PRKG1: variants seen among roughly 807,000 people sequenced by gnomAD.
The protein encoded by PRKG1 is protein kinase cGMP-dependent 1, also known as cGMP-dependent protein kinase 1.
In PRKG1, 35 loss-of-function variants were observed where a neutral mutation model predicts 88.1. The ratio of observed to expected loss-of-function variants is 0.40; its 90% confidence interval spans 0.30 to 0.53. The LOEUF (loss-of-function observed/expected upper bound fraction) is 0.53, where lower values mean the gene tolerates loss of function less well. Among genes scored for constraint, PRKG1 ranks in the 20% least tolerant of loss-of-function variants. The pLI is 0.59. For missense variants in PRKG1, 540 were observed against 839.8 expected, an observed-to-expected ratio of 0.64 and a Z score of 4.41; for synonymous variants, 303 against 292.5, an observed-to-expected ratio of 1.04 and a Z score of -0.37.
At chr10:51,944,187 G>T (rs997109659) in intron 5 of PRKG1, among the ~76,000 whole-genome samples, 1 of 152,050 alleles carries the variant, frequency 6.6e-6, no homozygotes, top group Non-Finnish European at 1.5e-5. Context: ...TCTTGGGAGG[G>T]TGTAGGTGTT....
At chr10:51,256,463 A>G (rs1042052823) in intron 2 of PRKG1, among the ~76,000 whole-genome samples, 2 of 152,160 alleles carry the variant, frequency 1.3e-5, no homozygotes, top group African/African-American at 4.8e-5. Context: ...ATAGCGTGGT[A>G]GAAAGGCTAC....
rs1383848550 is a variant in PRKG1, at chr10:51,153,320, T to C, written c.468T>C (p.Tyr156=). The change falls in exon 2 of 18, where the codon TAT becomes TAC. Residue 156 remains tyrosine, a synonymous_variant. Transcript: ENST00000373980. ...IKEGDVGSLV[Y]VMEDGKVEVT... is the part of the protein sequence containing the mutation. ...AAGGAGACGTGGGGTCACTGGTGTA[T>C]GTCATGGAAGGTACGGTTTGTAACT... is the stretch of plus-strand genomic sequence containing the variant. 1 of 1,606,648 alleles carries C rather than the reference T, an allele frequency of 6.2e-7. No individual in the cohort carries two copies. The highest frequency in any genetic ancestry group is 2.2e-5 in the East Asian group (1 of 44,502).
intron 5 of PRKG1, among the ~76,000 whole-genome samples, chr10:51,960,613 C>T (rs1472046610): frequency 2.0e-5 from 3 of 151,620 alleles, no homozygotes; most frequent in Admixed American, 6.6e-5. Context: ...ATAAAGACGA[C>T]GTAACCAGTT....
chr10:52,122,601 C>T (rs1316440132), intron 7 of PRKG1, among the ~76,000 whole-genome samples: 1 of 151,998 alleles, frequency 6.6e-6, no homozygotes, highest in Non-Finnish European at 1.5e-5. Context: ...TAACAAAGAA[C>T]AATAAGCTCA....
intron 7 of PRKG1, among the ~76,000 whole-genome samples, chr10:52,077,392 G>A (rs1846657425): frequency 6.6e-6 from 1 of 152,042 alleles, no homozygotes; most frequent in Admixed American, 6.6e-5. Context: ...GATATTATCT[G>A]CTTTCTGTCA....
In PRKG1 at chr10:51,074,743, G is replaced by A. The variant is rs1400601775; in HGVS notation, c.153G>A (p.Ser51=). ...KLQNELDKYR[S]VIRPATQQAQ... ...AGAACGAGCTGGACAAGTACCGCTC[G>A]GTGATCCGACCAGCCACCCAGCAGG... Residue 51 remains serine (S), a synonymous_variant, in exon 1 of 18, where the codon TCG becomes TCA. Coordinates refer to ENST00000373980, the MANE Select transcript of PRKG1 (RefSeq NM_006258.4). 1.9e-6 allele frequency: 3 copies of A among 1,614,020 alleles called. No individual in the cohort carries two copies. Among genetic ancestry groups the A allele is most frequent in the South Asian group, 1.1e-5 (1 of 91,048 alleles).
At chr10:51,015,755 T>C (rs1564571136) in intron 1 of PRKG1, among the ~76,000 whole-genome samples, 1 of 152,144 alleles carries the variant, frequency 6.6e-6, no homozygotes, top group African/African-American at 2.4e-5. Context: ...GGCAAGGTGG[T>C]GGGCATCTAT....
At chr10:51,119,929 A>G (rs4592377) in intron 1 of PRKG1, among the ~76,000 whole-genome samples, 121,146 of 151,924 alleles carry the variant, frequency 0.8, 48,864 homozygotes, top group South Asian at 0.88. Flanking sequence ...AGTGAGAAGA[A>G]ACAGTGATCA....
chr10:51,658,685 C>G (rs1470838653), intron 3 of PRKG1, among the ~76,000 whole-genome samples: 2 of 152,052 alleles, frequency 1.3e-5, no homozygotes, highest in Non-Finnish European at 1.5e-5. Context: ...TAAATTGACC[C>G]CAAAACTGGC....
At chr10:52,179,321 T>C (rs1220563523) in intron 9 of PRKG1, among the ~76,000 whole-genome samples, 1 of 152,166 alleles carries the variant, frequency 6.6e-6, no homozygotes, top group Non-Finnish European at 1.5e-5. Flanking sequence ...ACAGATTTTA[T>C]TTTTCCTTCA....
At chr10:52,035,701 A>G (rs1845590270) in intron 5 of PRKG1, among the ~76,000 whole-genome samples, 1 of 152,148 alleles carries the variant, frequency 6.6e-6, no homozygotes. Context: ...AAGAGTGGGT[A>G]CAGCTGAAGG....
chr10:51,493,351 T>C (rs1034451501), intron 3 of PRKG1, among the ~76,000 whole-genome samples: 11 of 152,178 alleles, frequency 7.2e-5, no homozygotes, highest in African/African-American at 2.7e-4. Flanking sequence ...TTTTAAAATT[T>C]GTTGTAATTA....
chr10:52,076,709 T>C (rs746137936), intron 7 of PRKG1, among the ~76,000 whole-genome samples: 1 of 152,254 alleles, frequency 6.6e-6, no homozygotes. Flanking sequence ...TTCCAGAATA[T>C]ATACAGAGCT....
chr10:51,479,694 T>C (rs967053986), intron 3 of PRKG1, among the ~76,000 whole-genome samples: 2 of 152,142 alleles, frequency 1.3e-5, no homozygotes, highest in African/African-American at 4.8e-5. Context: ...TTTGTATTGA[T>C]GTTTCATGAA....
chr10:51,973,458 C>T (rs541364928), intron 5 of PRKG1, among the ~76,000 whole-genome samples: 21 of 152,214 alleles, frequency 1.4e-4, no homozygotes, highest in Non-Finnish European at 2.6e-4. Flanking sequence ...AACTGGAAAC[C>T]ATTGGAACAA....
chr10:51,759,038 A>G (rs1382955923), intron 3 of PRKG1, among the ~76,000 whole-genome samples: 2 of 151,972 alleles, frequency 1.3e-5, no homozygotes, highest in Admixed American at 6.5e-5. Flanking sequence ...ATCCTTTTTT[A>G]TGGCTGCATA....
intron 3 of PRKG1, among the ~76,000 whole-genome samples, chr10:51,643,279 AAACT>A (rs1162312535): frequency 6.6e-6 from 1 of 152,214 alleles, no homozygotes; most frequent in Admixed American, 6.5e-5. Context: ...TAATAAAAAC[AAACT>A]ATTTTTATTC....
At chr10:51,797,199 C>A (rs1839035228) in intron 3 of PRKG1, among the ~76,000 whole-genome samples, 1 of 148,872 alleles carries the variant, frequency 6.7e-6, no homozygotes. Flanking sequence ...TTTTTAAATA[C>A]TGATGTGAGA....
intron 1 of PRKG1, among the ~76,000 whole-genome samples, chr10:51,003,985 A>G (rs1478226193): frequency 6.6e-6 from 1 of 152,184 alleles, no homozygotes; most frequent in Non-Finnish European, 1.5e-5. Flanking sequence ...TTTTGCAAGC[A>G]TTCAATGCTG....
Sources: gnomAD v4.1 joint callset for allele counts (sites outside exome capture counted in the v4.1 genomes callset) on GRCh38, gnomAD v4.1.1 for gene constraint, MANE v1.5 for transcripts, NCBI Gene and HGNC (gene_info 2026-07-23, HGNC 2026-07-21) for gene names.